CCDC171: variants seen among roughly 807,000 people sequenced by gnomAD.
CCDC171 encodes coiled-coil domain containing 171, also known as coiled-coil domain-containing protein 171.
CCDC171 carries 177 observed loss-of-function variants against 168.2 expected under a neutral mutation model. The ratio of observed to expected loss-of-function variants is 1.05; its 90% CI spans 0.93 to 1.19. CCDC171 has a LOEUF of 1.19. Ranked by LOEUF, CCDC171 falls within the 50% of genes most tolerant of loss-of-function variation. The pLI is 0.00. For missense variants in CCDC171, 1,991 were observed against 1,539.0 expected (o/e 1.29, Z -4.91); for synonymous variants, 687 against 540.8 (o/e 1.27, Z -3.75).
intron 3 of CCDC171, among the ~76,000 whole-genome samples, chr9:16,015,848 A>G (rs1295594982): frequency 1.3e-5 from 2 of 152,182 alleles, no homozygotes; most frequent in African/African-American, 2.4e-5. Flanking sequence ...AAGTATTCCA[A>G]ATAAGTTGAC....
intron 1 of CCDC171, among the ~76,000 whole-genome samples, chr9:16,053,573 C>G (rs1188029595): frequency 6.6e-6 from 1 of 152,236 alleles, no homozygotes; most frequent in Non-Finnish European, 1.5e-5. Flanking sequence ...CCTCTTTTCT[C>G]TCATCTCCTG....
At chr9:15,777,958 T>C (rs769765738) in intron 19 of CCDC171, 132 bp downstream of exon 19, 13 of 613,672 alleles carry the variant, frequency 2.1e-5, no homozygotes, top group Non-Finnish European at 3.2e-5. Flanking sequence ...ATGTAAAATT[T>C]TAATACACTA....
In CCDC171 at chr9:15,591,483, A is replaced by C; in HGVS notation, c.470A>C (p.Asn157Thr). 6.2e-7 allele frequency: 1 copy of C among 1,608,256 alleles called. No homozygotes were observed. Among genetic ancestry groups the C allele is most frequent in the Non-Finnish European group, 8.5e-7 (1 of 1,177,018 alleles). Residue 157 changes from asparagine (N) to threonine (T), a missense_variant, in exon 5 of 26, where the codon AAT becomes ACT. Coordinates refer to ENST00000380701, the MANE Select transcript of CCDC171 (RefSeq NM_173550.4). ...RFEHDLEERD[N>T]MIQNCNREYD... is the part of the protein sequence containing the mutation. ...GAACATGATTTGGAGGAAAGAGACA[A>C]TATGATCCAAAATTGCAATCGAGAA...
At chr9:15,585,185 C>T (rs557780608) in intron 4 of CCDC171, among the ~76,000 whole-genome samples, 7 of 152,206 alleles carry the variant, frequency 4.6e-5, no homozygotes, top group Admixed American at 6.5e-5. Flanking sequence ...AAAACCTGGC[C>T]GTTTCTTTTA....
At chr9:15,689,432 C>T (rs917274805) in intron 10 of CCDC171, among the ~76,000 whole-genome samples, 2 of 152,054 alleles carry the variant, frequency 1.3e-5, no homozygotes, top group East Asian at 3.9e-4. Context: ...ATAAGGAGGC[C>T]CAGCACAGTG....
intron 16 of CCDC171, among the ~76,000 whole-genome samples, chr9:15,743,087 T>C (rs2054998456): frequency 6.6e-6 from 1 of 150,744 alleles, no homozygotes; most frequent in Admixed American, 6.6e-5. Context: ...CCCCAATAAA[T>C]GTTTATTGAA....
At chr9:16,065,808 T>TGG (rs1316064388), downstream of CCDC171, among the ~76,000 whole-genome samples, 135 of 109,604 alleles carry the variant, frequency 1.2e-3, 1 homozygote, top group African/African-American at 5.6e-3. Context: ...TTTGTGTGCA[T>TGG]GGTGTGTGTG....
chr9:16,023,066 T>C (rs1010183042), intron 6 of CCDC171, among the ~76,000 whole-genome samples: 1 of 152,016 alleles, frequency 6.6e-6, no homozygotes. Flanking sequence ...ACTAAGGGGT[T>C]CTCAGGTCAA....
the CCDC171 span, among the ~76,000 whole-genome samples, chr9:16,086,190 A>G: frequency 5.9e-5 from 9 of 152,098 alleles, no homozygotes; most frequent in Non-Finnish European, 1.3e-4. Flanking sequence ...GGAAGGGTGT[A>G]TGCATCCAGG....
At chr9:15,590,769 TTCTCTTTC>T (rs2041922232) in intron 4 of CCDC171, among the ~76,000 whole-genome samples, 1 of 104,590 alleles carries the variant, frequency 9.6e-6, no homozygotes, top group African/African-American at 3.2e-5. Flanking sequence ...CTTTCTTTCT[TTCTCTTTC>T]TTTCTTTCTT....
downstream of CCDC171, among the ~76,000 whole-genome samples, chr9:16,062,764 C>T (rs1304220330): frequency 6.6e-6 from 1 of 152,130 alleles, no homozygotes; most frequent in Non-Finnish European, 1.5e-5. Context: ...TGACTGAGCA[C>T]ATGATGTGTA....
rs113476040 is a variant in CCDC171, at chr9:15,627,871, C to T, written c.822+4458C>T. ...GAGCTGAGTTCAATTCCTGGATATC[C>T]TTGTTAACTTTCGTCTAGTTGATCT... is the stretch of plus-strand genomic sequence containing the variant. On this transcript the variant is annotated intron_variant, in intron 7 of 25. Coordinates refer to ENST00000380701, the MANE Select transcript of CCDC171 (RefSeq NM_173550.4). Among the ~76,000 whole-genome samples the T allele has an allele frequency of 6.9e-3, 1,046 of 152,206 alleles. 11 individuals carry two copies. The highest frequency in any genetic ancestry group is 0.024 in the African/African-American group (995 of 41,516).
In CCDC171 at chr9:15,920,260, A is replaced by G. The variant is rs770281829; in HGVS notation, c.3601-10A>G. 5 of 1,535,230 alleles carry G rather than the reference A, an allele frequency of 3.3e-6. No individual in the cohort carries two copies. In the Admixed American group the frequency reaches 7.6e-5, roughly 23 times the overall value. On this transcript the variant is annotated splice_polypyrimidine_tract_variant and intron_variant, in intron 24 of 25. Transcript: ENST00000380701. ...TTGAATTATATGTGACATTATTTTT[A>G]TTTCTTAAGGCTATGATTAAAAGTT...
chr9:15,865,548 A>G (rs1773046), intron 23 of CCDC171, among the ~76,000 whole-genome samples: 132,376 of 151,942 alleles, frequency 0.87, 57,709 homozygotes, highest in East Asian at 0.99. Context: ...AACATGAAGA[A>G]TATGAGGATG....
chr9:15,961,860 A>G (rs1227899435), intron 25 of CCDC171, among the ~76,000 whole-genome samples: 2 of 152,210 alleles, frequency 1.3e-5, no homozygotes, highest in East Asian at 1.9e-4. Context: ...AAAAACCCCA[A>G]CAATTCCAAT....
chr9:16,014,805 C>T (rs76177395), intron 3 of CCDC171, among the ~76,000 whole-genome samples: 7,307 of 152,076 alleles, frequency 0.048, 611 homozygotes, highest in African/African-American at 0.17. Context: ...CTTAAATATT[C>T]GGTAAACCAT....
At chr9:15,770,411 C>T (rs2056953497) in intron 18 of CCDC171, among the ~76,000 whole-genome samples, 1 of 151,920 alleles carries the variant, frequency 6.6e-6, no homozygotes, top group Non-Finnish European at 1.5e-5. Context: ...CTTTGTAATC[C>T]CACATCTCTT....
chr9:15,983,235 C>T (rs1394334090), intron 3 of CCDC171, among the ~76,000 whole-genome samples: 1 of 152,090 alleles, frequency 6.6e-6, no homozygotes, highest in African/African-American at 2.4e-5. Context: ...TAATCTTTTT[C>T]CCCAGTTCTC....
At chr9:15,866,156 T>C (rs1454491984) in intron 23 of CCDC171, among the ~76,000 whole-genome samples, 1 of 151,956 alleles carries the variant, frequency 6.6e-6, no homozygotes, top group Non-Finnish European at 1.5e-5. Flanking sequence ...TTTTTTGCCA[T>C]GCTAAGAGCC....
Sources: allele counts gnomAD v4.1 joint callset (sites outside exome capture counted in the v4.1 genomes callset), GRCh38; gene constraint gnomAD v4.1.1; transcripts MANE v1.5; gene names NCBI Gene and HGNC (gene_info 2026-07-23, HGNC 2026-07-21).